CNTNAP2: variants seen among roughly 807,000 people sequenced by gnomAD.
CNTNAP2 encodes the protein contactin associated protein 2.
A neutral mutation model predicts 155.2 loss-of-function variants in CNTNAP2; 98 were observed. The ratio of observed to expected loss-of-function variants is 0.63; its 90% CI spans 0.54 to 0.75. CNTNAP2 has a LOEUF of 0.75. Among genes scored for constraint, CNTNAP2 ranks in the 30% least tolerant of loss-of-function variants. The pLI, the probability that CNTNAP2 is intolerant of heterozygous loss-of-function variation, is 0.00. For synonymous variants in CNTNAP2, 651 were observed against 631.2 expected, an observed-to-expected ratio of 1.03 and a Z score of -0.47; for missense variants, 1,727 against 1,688.1, an observed-to-expected ratio of 1.02 and a Z score of -0.40.
chr7:146,604,649 C>G (rs1411572187), intron 1 of CNTNAP2, among the ~76,000 whole-genome samples: 1 of 127,452 alleles, frequency 7.8e-6, no homozygotes, highest in Non-Finnish European at 1.7e-5. Flanking sequence ...GCATTATTCA[C>G]AATAGCAAAG....
intron 19 of CNTNAP2, among the ~76,000 whole-genome samples, chr7:148,225,637 T>C (rs985310265): frequency 6.6e-6 from 1 of 152,160 alleles, no homozygotes; most frequent in African/African-American, 2.4e-5. Context: ...ACACTGTGTA[T>C]CTCAGGGTCA....
At chr7:146,220,265 T>C (rs1430718705) in intron 1 of CNTNAP2, among the ~76,000 whole-genome samples, 1 of 141,248 alleles carries the variant, frequency 7.1e-6, no homozygotes. Flanking sequence ...CATGAAAATC[T>C]TGAAGTATTG....
Position 147,963,010 on chromosome 7 carries a change from CGA to C in CNTNAP2, c.2256-14851_2256-14850del, listed in dbSNP as rs952518602. Among the ~76,000 whole-genome samples the C allele has an allele frequency of 4.5e-4, 68 of 151,012 alleles. 1 individual carries two copies. Among genetic ancestry groups the C allele is most frequent in the African/African-American group, 1.6e-3 (64 of 41,274 alleles). On this transcript the variant is annotated intron_variant, in intron 14 of 23. Coordinates refer to ENST00000361727, the MANE Select transcript of CNTNAP2 (RefSeq NM_014141.6). Reference sequence around the variant, plus strand: ...GATATACCATGGTTAATTCACAGTGCGAAGTGTCTGCTTCTAGAAAGGTGAAA... The same window carrying C: ...GATATACCATGGTTAATTCACAGTGCAGTGTCTGCTTCTAGAAAGGTGAAA...
intron 1 of CNTNAP2, among the ~76,000 whole-genome samples, chr7:146,472,084 C>G (rs1405121601): frequency 6.6e-6 from 1 of 152,190 alleles, no homozygotes; most frequent in African/African-American, 2.4e-5. Flanking sequence ...ATTTAACTTT[C>G]CTACATTATC....
At chr7:147,116,213 G>A (rs1008287581) in intron 5 of CNTNAP2, among the ~76,000 whole-genome samples, 1 of 152,166 alleles carries the variant, frequency 6.6e-6, no homozygotes, top group Non-Finnish European at 1.5e-5. Flanking sequence ...TCCATGCTAG[G>A]GATAACTGAC....
At chr7:146,617,108 C>T (rs931814786) in intron 1 of CNTNAP2, among the ~76,000 whole-genome samples, 4 of 152,194 alleles carry the variant, frequency 2.6e-5, no homozygotes, top group African/African-American at 9.6e-5. Context: ...CAAGTTCTGC[C>T]TCCCGGGTTC....
chr7:148,389,651 C>T (rs1799302356), intron 22 of CNTNAP2: 1 of 152,194 alleles, frequency 6.6e-6, no homozygotes, highest in Non-Finnish European at 1.5e-5. Context: ...TTTCTAGTAA[C>T]ACTTCCATGC....
At chr7:147,679,047 A>C (rs143594404) in intron 13 of CNTNAP2, among the ~76,000 whole-genome samples, 2,486 of 152,000 alleles carry the variant, frequency 0.016, 220 homozygotes, top group Admixed American at 0.15. Context: ...GAAATCTTCA[A>C]AAGAAATCTG....
At chr7:147,179,326 T>G (rs1170650023) in intron 8 of CNTNAP2, among the ~76,000 whole-genome samples, 18 of 152,152 alleles carry the variant, frequency 1.2e-4, no homozygotes, top group Non-Finnish European at 2.2e-4. Flanking sequence ...TGTTCAAGAT[T>G]ATTGAAAGTG....
intron 2 of CNTNAP2, chr7:146,782,208 G>A (rs1802503740): frequency 6.6e-6 from 1 of 152,018 alleles, no homozygotes; most frequent in Non-Finnish European, 1.5e-5. Context: ...CTCACTCACA[G>A]GTAATTCATT....
chr7:146,753,981 A>ATTT (rs1259581669), intron 1 of CNTNAP2, among the ~76,000 whole-genome samples: 1 of 151,976 alleles, frequency 6.6e-6, no homozygotes, highest in East Asian at 1.9e-4. Context: ...TTCTACATCT[A>ATTT]TTTTTTATTC....
At chr7:146,580,798 A>T (rs1798600346) in intron 1 of CNTNAP2, among the ~76,000 whole-genome samples, 1 of 152,146 alleles carries the variant, frequency 6.6e-6, no homozygotes, top group African/African-American at 2.4e-5. Context: ...GTACGTTTTC[A>T]TCAAAGCTTT....
intron 13 of CNTNAP2, among the ~76,000 whole-genome samples, chr7:147,880,983 A>T (rs575078063): frequency 6.4e-4 from 97 of 152,124 alleles, no homozygotes; most frequent in Middle Eastern, 6.8e-3. Context: ...TCCTGAGAAG[A>T]TGGAGAAAGG....
chr7:147,336,287 A>G (rs925937685), intron 9 of CNTNAP2, among the ~76,000 whole-genome samples: 4 of 152,170 alleles, frequency 2.6e-5, no homozygotes, highest in African/African-American at 4.8e-5. Flanking sequence ...GAATGTTCAC[A>G]GAGGTCACAT....
intron 13 of CNTNAP2, among the ~76,000 whole-genome samples, chr7:147,713,338 C>A (rs1796430723): frequency 6.6e-6 from 1 of 152,144 alleles, no homozygotes; most frequent in Non-Finnish European, 1.5e-5. Context: ...CCTCTCCCAC[C>A]TGCAGCCACT....
intron 10 of CNTNAP2, among the ~76,000 whole-genome samples, chr7:147,417,155 T>C (rs1797207600): frequency 6.6e-6 from 1 of 152,196 alleles, no homozygotes; most frequent in African/African-American, 2.4e-5. Context: ...CTTTTGACTG[T>C]ATCATCTCAA....
rs184279197 is a variant in CNTNAP2 at position 147,796,422 on chromosome 7, G to A, written c.2099-107143G>A. Among the ~76,000 whole-genome samples, 612 of 152,138 alleles carry A rather than the reference G, an allele frequency of 4.0e-3. 3 individuals are homozygous for A. The highest frequency in any genetic ancestry group is 8.3e-3 in the Admixed American group (127 of 15,270). On this transcript the variant is annotated intron_variant, in intron 13 of 23. Coordinates refer to ENST00000361727, the MANE Select transcript of CNTNAP2 (RefSeq NM_014141.6). ...CCCAAAGACATTTCTATTTGGCTTG[G>A]AATTTTAATATTGTTTTTGACAGAT... is the stretch of plus-strand genomic sequence containing the variant.
At chr7:146,625,244 A>G (rs1302062196) in intron 1 of CNTNAP2, among the ~76,000 whole-genome samples, 1 of 151,936 alleles carries the variant, frequency 6.6e-6, no homozygotes, top group African/African-American at 2.4e-5. Context: ...GGGAGGATAA[A>G]CATAAGACTC....
intron 16 of CNTNAP2, among the ~76,000 whole-genome samples, chr7:148,126,801 A>G (rs1243088163): frequency 1.3e-5 from 2 of 152,280 alleles, no homozygotes; most frequent in East Asian, 3.9e-4. Flanking sequence ...CTCTGGAGCC[A>G]TAGAGTGGAA....
Sources: allele counts gnomAD v4.1 joint callset (sites outside exome capture counted in the v4.1 genomes callset), GRCh38; gene constraint gnomAD v4.1.1; transcripts MANE v1.5; gene names NCBI Gene and HGNC (gene_info 2026-07-23, HGNC 2026-07-21).